ERC1: variants seen among roughly 807,000 people sequenced by gnomAD.
The protein encoded by ERC1 is ELKS/RAB6-interacting/CAST family member 1.
Under a neutral mutation model 132.0 loss-of-function variants are expected in ERC1, and 56 were observed. The ratio of observed to expected loss-of-function variants is 0.42; its 90% CI spans 0.34 to 0.53. The LOEUF is 0.53. ERC1 is among the 20% of genes least tolerant of loss of function. The pLI, the probability that ERC1 is intolerant of heterozygous loss-of-function variation, is 0.03. For synonymous variants in ERC1, 478 were observed against 476.1 expected, an observed-to-expected ratio of 1.00 and a Z score of -0.05; for missense variants, 1,202 against 1,349.9, an observed-to-expected ratio of 0.89 and a Z score of 1.72.
intron 18 of ERC1, among the ~76,000 whole-genome samples, chr12:1,480,589 G>A (rs916786513): frequency 2.0e-5 from 3 of 152,204 alleles, no homozygotes; most frequent in Admixed American, 2.0e-4. Flanking sequence ...GAAGGGGAAA[G>A]AAGGAATCAA....
At chr12:1,359,519 G>A (rs1270271419) in intron 15 of ERC1, among the ~76,000 whole-genome samples, 1 of 152,134 alleles carries the variant, frequency 6.6e-6, no homozygotes, top group Non-Finnish European at 1.5e-5. Context: ...ATCCCACGGT[G>A]GAAGGGCAAA....
intron 8 of ERC1, among the ~76,000 whole-genome samples, chr12:1,174,150 C>T (rs1003954391): frequency 7.2e-5 from 11 of 152,224 alleles, no homozygotes; most frequent in African/African-American, 2.7e-4. Context: ...TTTATGGGCA[C>T]ACATTTCACC....
At chr12:1,477,348 C>A (rs188893305) in intron 18 of ERC1, among the ~76,000 whole-genome samples, 22 of 152,198 alleles carry the variant, frequency 1.4e-4, no homozygotes, top group African/African-American at 4.3e-4. Context: ...CACCCTCCCC[C>A]CTTTTAAAGC....
rs554040654 is a variant in ERC1 at position 1,491,930 on chromosome 12, C to T, written c.*1700C>T. 3.0e-5 allele frequency: 7 copies of T among 232,752 alleles called. No homozygotes were observed. In the South Asian group the frequency reaches 1.3e-3, roughly 42 times the overall value. 14.4% of individuals were successfully genotyped at this position (232,752 alleles called of 1,614,324 possible). A position where few individuals can be genotyped will look rare whatever the true frequency, so the allele number is the denominator to read the frequency against. ...CACTCACATCTCCTGATAAGAGTTG[C>T]TGGACTCGATGTTTTTGTTTTGCAT... On this transcript the variant is annotated 3_prime_UTR_variant, in exon 19 of 19. Coordinates refer to ENST00000360905, the MANE Select transcript of ERC1 (RefSeq NM_178040.4).
intron 14 of ERC1, among the ~76,000 whole-genome samples, chr12:1,267,535 G>A (rs1044078403): frequency 2.6e-5 from 4 of 152,220 alleles, no homozygotes; most frequent in Non-Finnish European, 5.9e-5. Context: ...GACGCTGGAG[G>A]ATTGCTTGAA....
chr12:1,348,479 G>A lies in ERC1; in HGVS notation c.2781-23354G>A, dbSNP rs1439574793. ...AGGCGGGCAGATCACTTGAGGTCAG[G>A]AGTTCGAGACCATCCTGGCCAAAAC... On this transcript the variant is annotated intron_variant, in intron 15 of 18. Coordinates refer to ENST00000360905, the MANE Select transcript of ERC1 (RefSeq NM_178040.4). Among the ~76,000 whole-genome samples the A allele has an allele frequency of 2.0e-5, 3 of 152,230 alleles. No individual in the cohort carries two copies. The East Asian group carries it at 5.8e-4, about 29-fold the overall frequency.
At chr12:1,375,279 C>T (rs763857647) in intron 16 of ERC1, among the ~76,000 whole-genome samples, 5 of 152,066 alleles carry the variant, frequency 3.3e-5, no homozygotes, top group Non-Finnish European at 5.9e-5. Context: ...GGAGAGAGAG[C>T]GATCAAGCGA....
At chr12:1,005,968 T>C (rs1963493859) in intron 1 of ERC1, among the ~76,000 whole-genome samples, 1 of 151,636 alleles carries the variant, frequency 6.6e-6, no homozygotes, top group Admixed American at 6.6e-5. Context: ...TTACTTTTTT[T>C]TTTTTTTGAG....
intron 15 of ERC1, among the ~76,000 whole-genome samples, chr12:1,305,916 CA>C (rs920213775): frequency 2.0e-5 from 3 of 152,152 alleles, no homozygotes; most frequent in Non-Finnish European, 4.4e-5. Context: ...TCTTAAACAA[CA>C]GTTTTCTGTG....
chr12:1,185,729 TTG>T (rs1044798974), intron 11 of ERC1, among the ~76,000 whole-genome samples: 221 of 135,526 alleles, frequency 1.6e-3, no homozygotes, highest in African/African-American at 7.7e-3. Context: ...GAACTCTAGG[TTG>T]TTTTTTTTTT....
chr12:1,117,943 G>A (rs1946631132), intron 7 of ERC1, among the ~76,000 whole-genome samples: 1 of 151,828 alleles, frequency 6.6e-6, no homozygotes, highest in Admixed American at 6.6e-5. Flanking sequence ...ATTTTTTGTG[G>A]GTGCATAGTA....
At chr12:1,241,535 T>C (rs1280467146) in intron 13 of ERC1, among the ~76,000 whole-genome samples, 1 of 152,190 alleles carries the variant, frequency 6.6e-6, no homozygotes, top group Non-Finnish European at 1.5e-5. Context: ...TTTCACTTAA[T>C]ATCCATTTGC....
intron 15 of ERC1, among the ~76,000 whole-genome samples, chr12:1,312,573 C>G (rs10848458): frequency 0.4 from 60,306 of 151,878 alleles, 12,418 homozygotes; most frequent in Middle Eastern, 0.52. Context: ...GGGTCAGGCT[C>G]GTCTCAAACT....
intron 10 of ERC1, among the ~76,000 whole-genome samples, chr12:1,182,554 C>CATG: frequency 6.6e-6 from 1 of 152,258 alleles, no homozygotes; most frequent in South Asian, 2.1e-4. Flanking sequence ...GATGATAATG[C>CATG]ATGAGCTTTA....
At chr12:1,308,834 G>A (rs2081074248) in intron 15 of ERC1, among the ~76,000 whole-genome samples, 5 of 152,126 alleles carry the variant, frequency 3.3e-5, no homozygotes, top group Admixed American at 3.3e-4. Context: ...GGTCTGAATG[G>A]TTATGTCCCC....
intron 8 of ERC1, among the ~76,000 whole-genome samples, chr12:1,142,931 C>CT (rs1465577349): frequency 6.6e-6 from 1 of 152,198 alleles, no homozygotes; most frequent in East Asian, 1.9e-4. Context: ...TGGAGTCTCA[C>CT]TTTGTCGCCC....
intron 15 of ERC1, among the ~76,000 whole-genome samples, chr12:1,361,474 T>A (rs1376382658): frequency 6.6e-6 from 1 of 152,096 alleles, no homozygotes; most frequent in Admixed American, 6.5e-5. Context: ...AGTAAACAAT[T>A]TGTAGAAATG....
In ERC1 at chr12:1,341,574, C is replaced by T. The variant is rs113631276; in HGVS notation, c.2781-30259C>T. On this transcript the variant is annotated intron_variant, in intron 15 of 18. Coordinates refer to ENST00000360905, the MANE Select transcript of ERC1 (RefSeq NM_178040.4). Reference sequence around the variant, plus strand: ...ATTATCACAAGGACAGAAAACCGAACACTGCATGTTCTCACTCATAGGTGG... The same window carrying T: ...ATTATCACAAGGACAGAAAACCGAATACTGCATGTTCTCACTCATAGGTGG... 7.1e-3 allele frequency among the ~76,000 whole-genome samples: 1,068 copies of T among 150,386 alleles called. 7 individuals carry two copies. Among genetic ancestry groups the T allele is most frequent in the African/African-American group, 0.023 (930 of 40,896 alleles).
chr12:1,241,823 C>T (rs566042745), intron 13 of ERC1, among the ~76,000 whole-genome samples: 41 of 146,116 alleles, frequency 2.8e-4, no homozygotes, highest in African/African-American at 1.0e-3. Context: ...GTCTTTAATC[C>T]AATTTTTTGC....
Sources: allele counts gnomAD v4.1 joint callset (sites outside exome capture counted in the v4.1 genomes callset), GRCh38; gene constraint gnomAD v4.1.1; transcripts MANE v1.5; gene names NCBI Gene and HGNC (gene_info 2026-07-23, HGNC 2026-07-21).